The following RMDN3 variants were observed in gnomAD, a reference collection of about 807,000 sequenced individuals.
RMDN3 encodes the protein regulator of microtubule dynamics 3.
In RMDN3, 41 loss-of-function variants were observed where a neutral mutation model predicts 61.8. The ratio of observed to expected loss-of-function variants is 0.66; its 90% CI spans 0.52 to 0.86. RMDN3 has a LOEUF of 0.86. Ranked by LOEUF, RMDN3 falls within the 40% of genes least tolerant of loss-of-function variation. The pLI, the probability that RMDN3 is intolerant of heterozygous loss-of-function variation, is 0.00. For synonymous variants in RMDN3, 247 were observed against 232.0 expected (o/e 1.06, Z -0.59); for missense variants, 557 against 585.3 (o/e 0.95, Z 0.50).
At chr15:40,741,660 C>T (rs1479687656) in intron 6 of RMDN3, among the ~76,000 whole-genome samples, 1 of 73,148 alleles carries the variant, frequency 1.4e-5, no homozygotes, top group Non-Finnish European at 2.6e-5. Context: ...ACAAGAGTCT[C>T]ACTCTGTCGT....
rs1053006476 is a variant in RMDN3 at position 40,736,203 on chromosome 15, A to G, written c.*338T>C. 2.6e-5 allele frequency: 8 copies of G among 311,390 alleles called. No individual in the cohort carries two copies. The highest frequency in any genetic ancestry group is 3.5e-5 in the Non-Finnish European group (6 of 170,828). 19.3% of individuals were successfully genotyped at this position (311,390 alleles called of 1,614,324 possible). ...GTGACAAGTTATGTGCTTTGTTCCT[A>G]TAGCTTTGAAGTTCATCCACCTCAC... On this transcript the variant is annotated 3_prime_UTR_variant, in exon 13 of 13. Coordinates refer to ENST00000338376, the MANE Select transcript of RMDN3 (RefSeq NM_018145.3).
Position 40,735,891 on chromosome 15 carries a change from ATCAAATTTGGTTTATT to A in RMDN3, c.*634_*649del, listed in dbSNP as rs1352419071. The A allele has an allele frequency of 6.6e-6, 1 of 152,234 alleles. No homozygotes were observed. The highest frequency in any genetic ancestry group is 6.5e-5 in the Admixed American group (1 of 15,282). 9.4% of individuals were successfully genotyped at this position (152,234 alleles called of 1,614,324 possible). On this transcript the variant is annotated 3_prime_UTR_variant, in exon 13 of 13. Coordinates refer to ENST00000338376, the MANE Select transcript of RMDN3 (RefSeq NM_018145.3). ...CAAGTAAGAATAAAGAGCTGATAAC[ATCAAATTTGGTTTATT>A]TCAAGTTTGTAACAAAATATATTCT... is the stretch of plus-strand genomic sequence containing the variant.
At chr15:40,738,446 G>T in intron 8 of RMDN3, 55 bp downstream of exon 8, 1 of 1,567,484 alleles carries the variant, frequency 6.4e-7, no homozygotes, top group Non-Finnish European at 8.8e-7. Flanking sequence ...AGCTGGAAAG[G>T]AGTGGGGAAT....
Position 40,737,608 on chromosome 15 carries a change from GCCA to G in RMDN3, c.1224+17_1224+19del. 2.5e-6 allele frequency: 4 copies of G among 1,597,400 alleles called. No individual in the cohort carries two copies. Among genetic ancestry groups the G allele is most frequent in the Non-Finnish European group, 3.4e-6 (4 of 1,167,354 alleles). Reference sequence around the variant, plus strand: ...CAAGGTTACCCTGGTGTTTTTGCCTGCCACCTGCCCCTCTCATACCTTTAGGAA... The same window carrying G: ...CAAGGTTACCCTGGTGTTTTTGCCTGCCTGCCCCTCTCATACCTTTAGGAA... On this transcript the variant is annotated intron_variant, in intron 10 of 12. Transcript: ENST00000338376.
intron 12 of RMDN3, among the ~76,000 whole-genome samples, 178 bp downstream of exon 12, chr15:40,736,946 C>T (rs1430644666): frequency 1.3e-5 from 2 of 152,138 alleles, no homozygotes; most frequent in African/African-American, 4.8e-5. Context: ...CTCCACCTCC[C>T]GGATTCAAGC....
At chr15:40,741,763 G>A (rs1283401038) in intron 6 of RMDN3, among the ~76,000 whole-genome samples, 6 of 151,166 alleles carry the variant, frequency 4.0e-5, no homozygotes, top group Admixed American at 2.6e-4. Context: ...CGAGTAGCTG[G>A]GATTACAGGT....
intron 4 of RMDN3, among the ~76,000 whole-genome samples, chr15:40,745,685 A>G (rs1897509314): frequency 6.6e-6 from 1 of 152,116 alleles, no homozygotes; most frequent in Non-Finnish European, 1.5e-5. Context: ...ATTTGAGAGA[A>G]AGTTTCCTAT....
chr15:40,738,037 A>ATGCTCC lies in RMDN3; in HGVS notation c.1048-1_1052dup (p.Glu350_His351insGlnGlu). 6.2e-7 allele frequency: 1 copy of ATGCTCC among 1,614,116 alleles called. No homozygotes were observed. Among genetic ancestry groups the ATGCTCC allele is most frequent in the Non-Finnish European group, 8.5e-7 (1 of 1,179,956 alleles). ...GCTGGAGAGCAATGGCTTTGTCCAC[A>ATGCTCC]TGCTCCTAAGGGGAAAATGTAAATA... On this transcript the variant is annotated inframe_insertion, in exon 9 of 13. Coordinates refer to ENST00000338376, the MANE Select transcript of RMDN3 (RefSeq NM_018145.3).
chr15:40,742,776 T>A (rs900667931), intron 6 of RMDN3, among the ~76,000 whole-genome samples: 2 of 152,118 alleles, frequency 1.3e-5, no homozygotes, highest in African/African-American at 4.8e-5. Flanking sequence ...TGCTGGCTAC[T>A]AGCACTAATA....
chr15:40,741,277 G>C (rs1361130928), intron 6 of RMDN3, among the ~76,000 whole-genome samples: 1 of 151,954 alleles, frequency 6.6e-6, no homozygotes, highest in Non-Finnish European at 1.5e-5. Flanking sequence ...AGAGGCCAAG[G>C]AGAGGATAGC....
Position 40,745,032 on chromosome 15 carries a change from C to G in RMDN3, c.752G>C (p.Gly251Ala). The G allele has an allele frequency of 1.9e-6, 3 of 1,614,118 alleles. No homozygotes were observed. Among genetic ancestry groups the G allele is most frequent in the Non-Finnish European group, 2.5e-6 (3 of 1,180,016 alleles). Residue 251 changes from glycine to alanine, a missense_variant, in exon 5 of 13, where the codon GGT becomes GCT. By Grantham distance (60) the Gly-to-Ala change is moderately conservative. Coordinates refer to ENST00000338376, the MANE Select transcript of RMDN3 (RefSeq NM_018145.3). The part of the protein sequence containing the change: ...LLQQADELHR[G>A]DEQGKREGFQ... ...GCCCTCCCGCTTGCCTTGCTCATCACCCCTGTGCAGCTCGTCGGCCTGCTG... is the reference window on the plus strand; with the variant it reads ...GCCCTCCCGCTTGCCTTGCTCATCAGCCCTGTGCAGCTCGTCGGCCTGCTG...
At position 40,744,382 on chromosome 15, in the gene RMDN3, A is replaced by G. The variant is rs559885530; in HGVS notation, c.808-233T>C. 134 of 480,018 alleles carry G rather than the reference A, an allele frequency of 2.8e-4. 2 individuals carry two copies. In the South Asian group the frequency reaches 3.0e-3, roughly 11 times the overall value. 29.7% of individuals were successfully genotyped at this position (480,018 alleles called of 1,614,324 possible). A position where few individuals can be genotyped will look rare whatever the true frequency, so the allele number is the denominator to read the frequency against. On this transcript the variant is annotated intron_variant, in intron 5 of 12. Transcript: ENST00000338376. Reference sequence around the variant, plus strand: ...GCTTGCACAATTACGGGGTGAGGGCATTCTGACCTCCTAGAACTGCTGGGA... The same window carrying G: ...GCTTGCACAATTACGGGGTGAGGGCGTTCTGACCTCCTAGAACTGCTGGGA...
chr15:40,746,894 C>G (rs1230197330), intron 4 of RMDN3, among the ~76,000 whole-genome samples: 4 of 151,632 alleles, frequency 2.6e-5, no homozygotes, highest in Non-Finnish European at 5.9e-5. Context: ...AAAAAAAACA[C>G]CTTTAGAAAT....
At chr15:40,745,411 T>TA (rs1897490364) in intron 4 of RMDN3, 152 bp from the exon 5 acceptor site, 18 of 663,536 alleles carry the variant, frequency 2.7e-5, no homozygotes, top group Non-Finnish European at 3.3e-5. Flanking sequence ...AGACTTTTTT[T>TA]CTTTTTTTTT....
rs772695922 is a variant in RMDN3, at chr15:40,737,187, C to T, written c.1296G>A (p.Gly432=). Residue 432 remains glycine, a synonymous_variant, in exon 12 of 13, where the codon GGG becomes GGA. Transcript: ENST00000338376. ...VYISKCYREL[G]KNSEARWWMK... Reference sequence around the variant, plus strand: ...TCCACCATCTAGCTTCAGAGTTTTTCCCTAGTTCTCTGTAGCACTGAAAAG... The same window carrying T: ...TCCACCATCTAGCTTCAGAGTTTTTTCCTAGTTCTCTGTAGCACTGAAAAG... 3 of 1,614,172 alleles carry T rather than the reference C, an allele frequency of 1.9e-6. No homozygotes were observed. The highest frequency in any genetic ancestry group is 3.3e-5 in the Admixed American group (2 of 60,006).
chr15:40,736,435 A>ACAGATTTGTGTGGTTTCCTGATCT lies in RMDN3; in HGVS notation c.*82_*105dup. The stretch of plus-strand genomic sequence containing the variant: ...AGTGGGTAGCAGTCAGACCCAGGAG[A>ACAGATTTGTGTGGTTTCCTGATCT]CAGATTTGTGTGGTTTCCTGATCTC... On this transcript the variant is annotated 3_prime_UTR_variant, in exon 13 of 13. Coordinates refer to ENST00000338376, the MANE Select transcript of RMDN3 (RefSeq NM_018145.3). 1.0e-6 allele frequency: 1 copy of ACAGATTTGTGTGGTTTCCTGATCT among 967,402 alleles called. No homozygotes were observed. Among genetic ancestry groups the ACAGATTTGTGTGGTTTCCTGATCT allele is most frequent in the African/African-American group, 1.6e-5 (1 of 61,564 alleles). 59.9% of individuals were successfully genotyped at this position (967,402 alleles called of 1,614,324 possible). A position where few individuals can be genotyped will look rare whatever the true frequency, so the allele number is the denominator to read the frequency against.
chr15:40,746,473 C>T (rs1340449356), intron 4 of RMDN3, among the ~76,000 whole-genome samples: 3 of 147,380 alleles, frequency 2.0e-5, no homozygotes, highest in South Asian at 2.1e-4. Context: ...GCGGAGATCA[C>T]ACCACTGCAC....
intron 2 of RMDN3, among the ~76,000 whole-genome samples, chr15:40,753,559 C>T (rs1196619571): frequency 6.6e-6 from 1 of 152,110 alleles, no homozygotes; most frequent in Non-Finnish European, 1.5e-5. Flanking sequence ...AAAAAAAACA[C>T]TCCTCTTGCA....
At chr15:40,751,674 A>G (rs911321285) in intron 3 of RMDN3, 105 bp from the exon 4 acceptor site, 1 of 1,513,308 alleles carries the variant, frequency 6.6e-7, no homozygotes, top group Non-Finnish European at 9.1e-7. Flanking sequence ...TAAAGGGCTA[A>G]AAGCAGAGAA....
Sources: gnomAD v4.1 joint callset for allele counts (sites outside exome capture counted in the v4.1 genomes callset) on GRCh38, gnomAD v4.1.1 for gene constraint, MANE v1.5 for transcripts, NCBI Gene and HGNC (gene_info 2026-07-23, HGNC 2026-07-21) for gene names.